The following FCHO2 variants were observed in gnomAD, a reference collection of about 807,000 sequenced individuals.
The protein encoded by FCHO2 is F-BAR domain only protein 2.
Under a neutral mutation model 114.1 loss-of-function variants are expected in FCHO2, and 43 were observed. The ratio of observed to expected loss-of-function variants is 0.38; its 90% CI spans 0.30 to 0.49. The LOEUF is 0.49. Among genes scored for constraint, FCHO2 ranks in the 20% least tolerant of loss-of-function variants. The probability of loss-of-function intolerance (pLI) is 0.97; values close to 1 mark genes in which losing one functional copy is unlikely to be tolerated. For missense variants in FCHO2, 807 were observed against 950.4 expected (o/e 0.85, Z 1.98); for synonymous variants, 293 against 315.2 (o/e 0.93, Z 0.75).
chr5:72,973,320 T>G (rs1447878984), intron 2 of FCHO2, among the ~76,000 whole-genome samples: 1 of 152,230 alleles, frequency 6.6e-6, no homozygotes, highest in Non-Finnish European at 1.5e-5. Context: ...TGGCTGTGAA[T>G]CCATCTGGTC....
chr5:73,041,943 G>A (rs567581479), intron 11 of FCHO2, among the ~76,000 whole-genome samples: 1 of 152,094 alleles, frequency 6.6e-6, no homozygotes, highest in Admixed American at 6.5e-5. Context: ...TACCGTTCAT[G>A]TTGATAAGTA....
chr5:73,029,731 TG>T (rs1290755583), intron 8 of FCHO2, among the ~76,000 whole-genome samples: 1 of 152,164 alleles, frequency 6.6e-6, no homozygotes, highest in African/African-American at 2.4e-5. Context: ...ATGGCAATAG[TG>T]GGAACATGAG....
Position 73,017,213 on chromosome 5 carries a change from TC to T in FCHO2, c.703del (p.His235MetfsTer5). ...IKEIHLQIGQ[V>X]HEEFINNMAN... ...GTTATCTTTATTTCATTTTAATAGGTCCATGAAGAATTTATAAATAACATGG... is the reference window on the plus strand; with the variant it reads ...GTTATCTTTATTTCATTTTAATAGGTCATGAAGAATTTATAAATAACATGG... On this transcript the variant is annotated frameshift_variant and splice_region_variant, in exon 8 of 26. Coordinates refer to ENST00000430046, the MANE Select transcript of FCHO2 (RefSeq NM_138782.3). LOFTEE classifies it high-confidence loss of function. The T allele has an allele frequency of 6.6e-7, 1 of 1,504,090 alleles. No individual in the cohort carries two copies. Among genetic ancestry groups the T allele is most frequent in the Non-Finnish European group, 9.0e-7 (1 of 1,115,848 alleles). The allele number at this position is 1,504,090 out of a possible 1,614,324, so 93.2% of individuals were successfully genotyped here.
At chr5:73,023,399 C>T (rs1755736238) in intron 8 of FCHO2, among the ~76,000 whole-genome samples, 1 of 152,048 alleles carries the variant, frequency 6.6e-6, no homozygotes, top group African/African-American at 2.4e-5. Flanking sequence ...ATAAGGGGGC[C>T]TTAAAATTAA....
intron 11 of FCHO2, among the ~76,000 whole-genome samples, chr5:73,050,296 A>G (rs1294587231): frequency 7.7e-6 from 1 of 130,502 alleles, no homozygotes; most frequent in Non-Finnish European, 1.6e-5. Flanking sequence ...GCTTTCTGCT[A>G]TTTATTTATT....
intron 5 of FCHO2, among the ~76,000 whole-genome samples, chr5:73,005,958 C>T (rs1482013919): frequency 3.3e-5 from 5 of 151,992 alleles, no homozygotes; most frequent in Non-Finnish European, 2.9e-5. Flanking sequence ...TCACAACTTT[C>T]GAGATAGGTT....
chr5:73,040,870 T>G (rs1756770356), intron 10 of FCHO2, among the ~76,000 whole-genome samples: 1 of 152,190 alleles, frequency 6.6e-6, no homozygotes, highest in Admixed American at 6.5e-5. Flanking sequence ...TTTTTTAAAG[T>G]CAAGCTTTCT....
chr5:72,988,448 G>A (rs924193809), intron 2 of FCHO2, among the ~76,000 whole-genome samples: 1 of 151,992 alleles, frequency 6.6e-6, no homozygotes, highest in Non-Finnish European at 1.5e-5. Flanking sequence ...AAAAAAAGAA[G>A]GCCATACAAA....
intron 1 of FCHO2, 111 bp downstream of exon 1, chr5:72,956,240 C>A: frequency 7.1e-7 from 1 of 1,399,058 alleles, no homozygotes; most frequent in Non-Finnish European, 9.6e-7. Flanking sequence ...GCAGGGCGAG[C>A]GTCCTCCTGC....
Position 73,037,173 on chromosome 5 carries a change from C to T in FCHO2, c.872C>T (p.Ala291Val). The change falls in exon 10 of 26, where the codon GCT becomes GTT. Residue 291 changes from alanine to valine, a missense_variant. Coordinates refer to ENST00000430046, the MANE Select transcript of FCHO2 (RefSeq NM_138782.3). ...GIKPRKRKTF[A>V]LPGIIKKEKD... ...AAACCAAGGAAAAGAAAGACCTTTG[C>T]TTTGCCAGGAATCATTAAAAAGGAA... is the stretch of plus-strand genomic sequence containing the variant. 3 of 1,592,244 alleles carry T rather than the reference C, an allele frequency of 1.9e-6. No homozygotes were observed. The highest frequency in any genetic ancestry group is 2.6e-6 in the Non-Finnish European group (3 of 1,169,720).
chr5:73,018,292 T>C (rs1169959538), intron 8 of FCHO2, among the ~76,000 whole-genome samples: 1 of 152,204 alleles, frequency 6.6e-6, no homozygotes, highest in Non-Finnish European at 1.5e-5. Flanking sequence ...ATGTTTTCTC[T>C]AGCTGCCTAA....
chr5:73,037,260 T>A, intron 10 of FCHO2, 45 bp downstream of exon 10: 1 of 1,400,022 alleles, frequency 7.1e-7, no homozygotes, highest in Non-Finnish European at 9.8e-7. Context: ...TTTTTATAAG[T>A]GATTAAGAAT....
intron 8 of FCHO2, among the ~76,000 whole-genome samples, chr5:73,025,355 CCCA>C: frequency 6.7e-6 from 1 of 150,296 alleles, no homozygotes; most frequent in Middle Eastern, 3.4e-3. Context: ...ATTGATGGGG[CCCA>C]CCACCACACC....
intron 1 of FCHO2, among the ~76,000 whole-genome samples, chr5:72,968,116 G>A (rs1561405539): frequency 6.6e-6 from 1 of 151,474 alleles, no homozygotes; most frequent in Non-Finnish European, 1.5e-5. Context: ...AGTAGAGACG[G>A]GGTTTCACCA....
At position 73,081,968 on chromosome 5, in the gene FCHO2, T is replaced by C. The variant is rs762788767; in HGVS notation, c.2166T>C (p.Leu722=). 31 of 1,532,574 alleles carry C rather than the reference T, an allele frequency of 2.0e-5. No homozygotes were observed. Among genetic ancestry groups the C allele is most frequent in the Non-Finnish European group, 2.5e-5 (28 of 1,135,882 alleles). The allele number at this position is 1,532,574 out of a possible 1,614,324, so 94.9% of individuals were successfully genotyped here. ...GAGGAGTAACGAACATGCAGTCCCTTCCCCCTGCAATATGGTAAATTAAAC... is the reference window on the plus strand; with the variant it reads ...GAGGAGTAACGAACATGCAGTCCCTCCCCCCTGCAATATGGTAAATTAAAC... ...VDGGVTNMQS[L]PPAIWNAEQM... is the part of the protein sequence containing the mutation. Residue 722 remains leucine (L), a synonymous_variant, in exon 23 of 26, where the codon CTT becomes CTC. Transcript: ENST00000430046.
At chr5:73,076,552 T>G (rs1024455746) in intron 20 of FCHO2, among the ~76,000 whole-genome samples, 1 of 152,172 alleles carries the variant, frequency 6.6e-6, no homozygotes, top group African/African-American at 2.4e-5. Context: ...ATGAATGAAG[T>G]CCTTCAGTAT....
intron 2 of FCHO2, among the ~76,000 whole-genome samples, chr5:72,970,282 C>T (rs1400512733): frequency 6.6e-6 from 1 of 152,130 alleles, no homozygotes; most frequent in Non-Finnish European, 1.5e-5. Context: ...CACAGGAGAA[C>T]ATAGAAACAA....
chr5:72,997,296 T>C, intron 5 of FCHO2: 1 of 1,485,634 alleles, frequency 6.7e-7, no homozygotes. Flanking sequence ...GAGCTGGTAG[T>C]GTTTATAGCA....
chr5:72,987,210 T>C (rs967499301), intron 2 of FCHO2, among the ~76,000 whole-genome samples: 1 of 151,870 alleles, frequency 6.6e-6, no homozygotes, highest in African/African-American at 2.4e-5. Flanking sequence ...AACAAAGTTT[T>C]GACTGAATTT....
Sources: allele counts gnomAD v4.1 joint callset (sites outside exome capture counted in the v4.1 genomes callset), GRCh38; gene constraint gnomAD v4.1.1; transcripts MANE v1.5; gene names NCBI Gene and HGNC (gene_info 2026-07-23, HGNC 2026-07-21).